The following ARNT2 variants were observed in gnomAD, a reference collection of about 807,000 sequenced individuals.
The protein encoded by ARNT2 is aryl hydrocarbon receptor nuclear translocator 2.
In ARNT2, 36 loss-of-function variants were observed where a neutral mutation model predicts 91.7. The ratio of observed to expected loss-of-function variants is 0.39; its 90% CI spans 0.30 to 0.52. The LOEUF is 0.52. Ranked by LOEUF, ARNT2 falls within the 20% of genes least tolerant of loss-of-function variation. The probability of loss-of-function intolerance (pLI) is 0.72; values close to 1 mark genes in which losing one functional copy is unlikely to be tolerated. For missense variants in ARNT2, 775 were observed against 939.3 expected (o/e 0.83, Z 2.29); for synonymous variants, 365 against 347.1 (o/e 1.05, Z -0.57).
chr15:80,512,764 C>T (rs1897363175), intron 6 of ARNT2, among the ~76,000 whole-genome samples: 1 of 152,210 alleles, frequency 6.6e-6, no homozygotes, highest in South Asian at 2.1e-4. Context: ...GCCATTATCA[C>T]TGCCCCGTCA....
At chr15:80,493,171 T>C (rs927642943) in intron 5 of ARNT2, among the ~76,000 whole-genome samples, 7 of 152,134 alleles carry the variant, frequency 4.6e-5, no homozygotes, top group Non-Finnish European at 7.4e-5. Context: ...GGGCCAAGCT[T>C]GCTTTTATAA....
rs533074451 is a variant in ARNT2 at position 80,596,779 on chromosome 15, A to G, written c.*3081A>G. ...AGGTCAGGCAAGCAGACAGCTCCCC[A>G]CTGAAGAGGTCTGTACAGTGACAAC... On this transcript the variant is annotated 3_prime_UTR_variant, in exon 19 of 19. Coordinates refer to ENST00000303329, the MANE Select transcript of ARNT2 (RefSeq NM_014862.4). 1 of 170,432 alleles carries G rather than the reference A, an allele frequency of 5.9e-6. No homozygotes were observed. Among genetic ancestry groups the G allele is most frequent in the South Asian group, 1.4e-4 (1 of 6,918 alleles). The allele number at this position is 170,432 out of a possible 1,614,324, so 10.6% of individuals were successfully genotyped here.
At chr15:80,553,566 G>A (rs894690007) in intron 10 of ARNT2, among the ~76,000 whole-genome samples, 1 of 151,994 alleles carries the variant, frequency 6.6e-6, no homozygotes, top group Admixed American at 6.5e-5. Flanking sequence ...AAGAAATTAA[G>A]TATATTAAGT....
intron 1 of ARNT2, among the ~76,000 whole-genome samples, chr15:80,447,861 C>T (rs1018971091): frequency 6.6e-6 from 1 of 152,138 alleles, no homozygotes; most frequent in East Asian, 1.9e-4. Context: ...TATTTAGTAT[C>T]CAGAACACTT....
intron 8 of ARNT2, among the ~76,000 whole-genome samples, chr15:80,518,236 T>C (rs1297327489): frequency 3.3e-5 from 5 of 151,348 alleles, no homozygotes; most frequent in African/African-American, 9.7e-5. Context: ...TTTTCTCTCC[T>C]ACTACCTTTG....
At chr15:80,512,342 C>T (rs1395326636) in intron 6 of ARNT2, among the ~76,000 whole-genome samples, 1 of 152,212 alleles carries the variant, frequency 6.6e-6, no homozygotes, top group Non-Finnish European at 1.5e-5. Flanking sequence ...TTCTCTGAGT[C>T]TCCTCCTCTC....
intron 1 of ARNT2, among the ~76,000 whole-genome samples, chr15:80,424,211 C>T (rs1005526415): frequency 6.6e-6 from 1 of 152,050 alleles, no homozygotes; most frequent in Non-Finnish European, 1.5e-5. Flanking sequence ...TTACCTGGGC[C>T]GCAAGGACTG....
chr15:80,507,906 C>T (rs767755799), intron 5 of ARNT2, among the ~76,000 whole-genome samples: 4 of 152,118 alleles, frequency 2.6e-5, no homozygotes, highest in South Asian at 2.1e-4. Flanking sequence ...CTGCAGGCGA[C>T]GGAATCCAGC....
intron 6 of ARNT2, among the ~76,000 whole-genome samples, chr15:80,512,885 C>T (rs1422782905): frequency 6.6e-6 from 1 of 152,174 alleles, no homozygotes; most frequent in African/African-American, 2.4e-5. Flanking sequence ...GAGAGGTGGG[C>T]AGTGCTGCCA....
intron 8 of ARNT2, among the ~76,000 whole-genome samples, chr15:80,542,056 G>C (rs1207954597): frequency 6.6e-6 from 1 of 152,188 alleles, no homozygotes; most frequent in Non-Finnish European, 1.5e-5. Flanking sequence ...GCTGAGCCCA[G>C]TGTCCTGAGA....
At chr15:80,506,639 G>A (rs76190318) in intron 5 of ARNT2, among the ~76,000 whole-genome samples, 22 of 152,342 alleles carry the variant, frequency 1.4e-4, no homozygotes, top group African/African-American at 5.1e-4. Flanking sequence ...ACTCACAGGA[G>A]GCCGATTGAG....
At chr15:80,494,739 C>T (rs2141414157) in intron 5 of ARNT2, among the ~76,000 whole-genome samples, 2 of 152,226 alleles carry the variant, frequency 1.3e-5, no homozygotes, top group Middle Eastern at 6.8e-3. Context: ...CACGAGAGCC[C>T]AGTTGTCGAG....
At chr15:80,495,159 C>T (rs889736328) in intron 5 of ARNT2, among the ~76,000 whole-genome samples, 2 of 152,316 alleles carry the variant, frequency 1.3e-5, no homozygotes, top group African/African-American at 2.4e-5. Flanking sequence ...AAACCCCAGC[C>T]GCCATCTTCC....
chr15:80,416,832 T>C (rs1895792116), intron 1 of ARNT2, among the ~76,000 whole-genome samples: 1 of 152,168 alleles, frequency 6.6e-6, no homozygotes, highest in Admixed American at 6.5e-5. Context: ...TTAACAATCA[T>C]TTAAAAGTGA....
At chr15:80,429,513 C>T (rs1021127586) in intron 1 of ARNT2, among the ~76,000 whole-genome samples, 1 of 152,232 alleles carries the variant, frequency 6.6e-6, no homozygotes, top group Non-Finnish European at 1.5e-5. Context: ...TGCATGTCTT[C>T]ATTTGGCTGT....
intron 8 of ARNT2, among the ~76,000 whole-genome samples, chr15:80,522,474 C>T (rs530746981): frequency 1.8e-4 from 28 of 152,194 alleles, no homozygotes; most frequent in African/African-American, 6.3e-4. Context: ...GCAATTTAAT[C>T]GTTGTGTGAA....
At chr15:80,481,485 G>C (rs1008600836) in intron 5 of ARNT2, among the ~76,000 whole-genome samples, 3 of 152,286 alleles carry the variant, frequency 2.0e-5, no homozygotes, top group African/African-American at 7.2e-5. Context: ...TAAGGCAGGA[G>C]GACTGCTTGT....
In ARNT2 at chr15:80,514,418, G is replaced by A. The variant is rs1351432946; in HGVS notation, c.877+13G>A. 1 of 1,612,856 alleles carries A rather than the reference G, an allele frequency of 6.2e-7. No individual in the cohort carries two copies. The highest frequency in any genetic ancestry group is 8.5e-7 in the Non-Finnish European group (1 of 1,178,968). The stretch of plus-strand genomic sequence containing the variant: ...TGGCCACCAGCAGGTAAGGAGACCT[G>A]CATGTAAATTCCACGGGAACTGGGT... On this transcript the variant is annotated intron_variant, in intron 8 of 18. Coordinates refer to ENST00000303329, the MANE Select transcript of ARNT2 (RefSeq NM_014862.4).
intron 17 of ARNT2, among the ~76,000 whole-genome samples, chr15:80,589,226 A>T (rs1893230204): frequency 6.6e-6 from 1 of 152,190 alleles, no homozygotes; most frequent in Non-Finnish European, 1.5e-5. Context: ...CAGAATGATC[A>T]AGAGTGTTGG....
Sources: gnomAD v4.1 joint callset for allele counts (sites outside exome capture counted in the v4.1 genomes callset) on GRCh38, gnomAD v4.1.1 for gene constraint, MANE v1.5 for transcripts, NCBI Gene and HGNC (gene_info 2026-07-23, HGNC 2026-07-21) for gene names.